Variants in CRACR2A observed in about 807,000 individuals in gnomAD.
The protein encoded by CRACR2A is calcium release activated channel regulator 2A, also known as EF-hand calcium-binding domain-containing protein 4B.
CRACR2A carries 79 observed loss-of-function variants against 90.5 expected under a neutral mutation model. The ratio of observed to expected loss-of-function variants is 0.87; its 90% CI spans 0.73 to 1.05. The LOEUF (loss-of-function observed/expected upper bound fraction) is 1.05, where lower values mean the gene tolerates loss of function less well. CRACR2A is among the 50% of genes least tolerant of loss of function. The pLI is 0.00. For missense variants in CRACR2A, 823 were observed against 897.2 expected (o/e 0.92, Z 1.06); for synonymous variants, 338 against 356.7 (o/e 0.95, Z 0.59).
At chr12:3,716,523 G>C (rs1015975662) in intron 2 of CRACR2A, among the ~76,000 whole-genome samples, 1 of 152,202 alleles carries the variant, frequency 6.6e-6, no homozygotes, top group Non-Finnish European at 1.5e-5. Context: ...GCCATCGTTA[G>C]TTCTGTTAAA....
chr12:3,736,390 C>T (rs1344642672), intron 1 of CRACR2A, among the ~76,000 whole-genome samples: 1 of 151,744 alleles, frequency 6.6e-6, no homozygotes, highest in Non-Finnish European at 1.5e-5. Flanking sequence ...GGAAATTCTA[C>T]AGGAAGGACA....
chr12:3,749,500 T>G (rs1309106725), intron 1 of CRACR2A, among the ~76,000 whole-genome samples: 1 of 152,178 alleles, frequency 6.6e-6, no homozygotes, highest in Non-Finnish European at 1.5e-5. Flanking sequence ...CCTCTTTTCC[T>G]TCTTCTCTGC....
At chr12:3,693,666 C>G (rs1484695367) in intron 4 of CRACR2A, among the ~76,000 whole-genome samples, 1 of 152,192 alleles carries the variant, frequency 6.6e-6, no homozygotes, top group Non-Finnish European at 1.5e-5. Flanking sequence ...AGGGTTTCTA[C>G]TGAGAAGTCT....
chr12:3,745,009 T>C (rs1565510982), intron 1 of CRACR2A, among the ~76,000 whole-genome samples: 1 of 152,032 alleles, frequency 6.6e-6, no homozygotes, highest in Non-Finnish European at 1.5e-5. Context: ...ACCCTAAACC[T>C]CAACTCTCTG....
intron 4 of CRACR2A, among the ~76,000 whole-genome samples, chr12:3,690,396 C>A (rs989345242): frequency 5.3e-5 from 8 of 152,142 alleles, no homozygotes; most frequent in African/African-American, 1.9e-4. Flanking sequence ...TTCTTGATTT[C>A]TGTCTTAGTT....
chr12:3,616,881 A>G, intron 19 of CRACR2A, 73 bp downstream of exon 19: 1 of 1,230,780 alleles, frequency 8.1e-7, no homozygotes, highest in Non-Finnish European at 1.2e-6. Context: ...GGTGGAGGGA[A>G]ACACGGTGCC....
chr12:3,703,730 AAAAC>A (rs1207477653), intron 3 of CRACR2A, among the ~76,000 whole-genome samples: 2 of 152,252 alleles, frequency 1.3e-5, no homozygotes, highest in African/African-American at 2.4e-5. Flanking sequence ...CATTAATAAG[AAAAC>A]AAACAACCCA....
intron 13 of CRACR2A, among the ~76,000 whole-genome samples, chr12:3,639,124 G>T (rs1348928722): frequency 6.6e-6 from 1 of 152,182 alleles, no homozygotes; most frequent in Non-Finnish European, 1.5e-5. Context: ...AGGTCTGCTG[G>T]CTCACAGGCA....
At chr12:3,692,682 G>T (rs2137679337) in intron 4 of CRACR2A, among the ~76,000 whole-genome samples, 1 of 152,234 alleles carries the variant, frequency 6.6e-6, no homozygotes, top group African/African-American at 2.4e-5. Context: ...ACACTTATTG[G>T]CTGCAGCAGG....
chr12:3,676,366 CAG>C (rs1945335340), intron 6 of CRACR2A, among the ~76,000 whole-genome samples: 1 of 152,162 alleles, frequency 6.6e-6, no homozygotes, highest in African/African-American at 2.4e-5. Context: ...AAGAGGGTCT[CAG>C]AGAGACACCA....
At chr12:3,675,126 C>T (rs949974641) in intron 6 of CRACR2A, among the ~76,000 whole-genome samples, 1 of 152,116 alleles carries the variant, frequency 6.6e-6, no homozygotes, top group Non-Finnish European at 1.5e-5. Context: ...TGACAATCTG[C>T]CACCAACAGA....
chr12:3,672,731 G>A (rs1391092361), intron 7 of CRACR2A: 1 of 985,180 alleles, frequency 1.0e-6, no homozygotes, highest in African/African-American at 1.7e-5. Context: ...TGATATACCT[G>A]CCTGTTCTGA....
chr12:3,644,563 C>T (rs1212612567), intron 12 of CRACR2A, 32 bp downstream of exon 12: 2 of 1,549,684 alleles, frequency 1.3e-6, no homozygotes, highest in African/African-American at 2.7e-5. Flanking sequence ...AGCCCTTGGT[C>T]CCCCACAGGT....
rs767940008 is a variant in CRACR2A at position 3,697,001 on chromosome 12, G to A, written c.-2C>T. 36 of 1,607,246 alleles carry A rather than the reference G, an allele frequency of 2.2e-5. No homozygotes were observed. Among genetic ancestry groups the A allele is most frequent in the South Asian group, 3.3e-5 (3 of 90,164 alleles). On this transcript the variant is annotated 5_prime_UTR_variant, in exon 4 of 20. Coordinates refer to ENST00000440314, the MANE Select transcript of CRACR2A (RefSeq NM_001144958.2). ...TACCCTCCCGTCAGGGGCAGCCATC[G>A]CGATTAGTCAGTTTCTTGAAGTCTT...
chr12:3,647,401 G>A (rs945938677), intron 11 of CRACR2A, among the ~76,000 whole-genome samples: 3 of 152,058 alleles, frequency 2.0e-5, no homozygotes, highest in African/African-American at 7.2e-5. Flanking sequence ...AGACCCATAA[G>A]TATTTGTAGA....
chr12:3,653,045 C>T (rs1229147793), intron 10 of CRACR2A, among the ~76,000 whole-genome samples: 4 of 151,906 alleles, frequency 2.6e-5, no homozygotes, highest in East Asian at 1.9e-4. Context: ...TGCAGTGGCA[C>T]GATCTTGGCT....
chr12:3,724,272 A>G (rs1331465140), intron 2 of CRACR2A, among the ~76,000 whole-genome samples: 1 of 152,272 alleles, frequency 6.6e-6, no homozygotes, highest in African/African-American at 2.4e-5. Flanking sequence ...CACAAGATCC[A>G]GAAATGAGAT....
intron 3 of CRACR2A, among the ~76,000 whole-genome samples, chr12:3,709,238 C>T (rs1315248923): frequency 1.3e-5 from 2 of 152,220 alleles, no homozygotes; most frequent in African/African-American, 4.8e-5. Context: ...CCATACAATT[C>T]TGACTCATTT....
chr12:3,708,716 T>C (rs1353385609), intron 3 of CRACR2A, among the ~76,000 whole-genome samples: 2 of 152,220 alleles, frequency 1.3e-5, no homozygotes, highest in African/African-American at 2.4e-5. Context: ...TGAGCCATCA[T>C]GCCCGGCCAG....
Sources: allele counts gnomAD v4.1 joint callset (sites outside exome capture counted in the v4.1 genomes callset), GRCh38; gene constraint gnomAD v4.1.1; transcripts MANE v1.5; gene names NCBI Gene and HGNC (gene_info 2026-07-23, HGNC 2026-07-21).